The following GREB1L variants were observed in gnomAD, a reference collection of about 807,000 sequenced individuals.
The protein encoded by GREB1L is GREB1-like protein.
GREB1L carries 17 observed loss-of-function variants against 200.8 expected under a neutral mutation model. That is an observed-to-expected ratio of 0.08 (90% CI 0.06 to 0.13). The LOEUF (loss-of-function observed/expected upper bound fraction) is 0.13, where lower values mean the gene tolerates loss of function less well. Ranked by LOEUF, GREB1L falls within the 10% of genes least tolerant of loss-of-function variation. The pLI, the probability that GREB1L is intolerant of heterozygous loss-of-function variation, is 1.00. For synonymous variants in GREB1L, 789 were observed against 893.0 expected (o/e 0.88, Z 2.08); for missense variants, 1,657 against 2,367.7 (o/e 0.70, Z 6.23).
intron 7 of GREB1L, among the ~76,000 whole-genome samples, chr18:21,439,099 G>T (rs1475740203): frequency 2.0e-5 from 3 of 152,014 alleles, no homozygotes; most frequent in African/African-American, 7.2e-5. Flanking sequence ...CGGAGGTAAG[G>T]GTATAGATAA....
Position 21,516,876 on chromosome 18 carries a change from A to AG in GREB1L, c.5271+123dup, listed in dbSNP as rs1316452388. On this transcript the variant is annotated intron_variant, in intron 30 of 32. Transcript: ENST00000424526. ...TTAGAAAAGTGAAATAACACAAGGGAGTTTTTTTTTTTTTTTTTTGAGACA... is the reference window on the plus strand; with the variant it reads ...TTAGAAAAGTGAAATAACACAAGGGAGGTTTTTTTTTTTTTTTTTTGAGACA... 1.7e-5 allele frequency: 8 copies of AG among 478,800 alleles called. 1 individual carries two copies. Among genetic ancestry groups the AG allele is most frequent in the South Asian group, 2.9e-5 (1 of 34,170 alleles). 29.7% of individuals were successfully genotyped at this position (478,800 alleles called of 1,614,324 possible).
intron 4 of GREB1L, among the ~76,000 whole-genome samples, chr18:21,385,335 CAGAA>C (rs1598734455): frequency 3.3e-5 from 5 of 150,488 alleles, no homozygotes; most frequent in Admixed American, 1.3e-4. Flanking sequence ...TATGGAAAGT[CAGAA>C]AGCCCTGCTT....
rs767571944 is a variant in GREB1L at position 21,395,541 on chromosome 18, A to G, written c.512A>G (p.His171Arg). 1.6e-5 allele frequency: 25 copies of G among 1,549,832 alleles called. No homozygotes were observed. The highest frequency in any genetic ancestry group is 2.2e-5 in the Non-Finnish European group (25 of 1,146,486). The change falls in exon 5 of 33, where the codon CAT (histidine) becomes CGT (arginine). Residue 171 changes from histidine to arginine, a missense_variant. Physicochemically the swap from His to Arg is conservative, Grantham distance 29 (BLOSUM62 0). Coordinates refer to ENST00000424526, the MANE Select transcript of GREB1L (RefSeq NM_001142966.3). Reference sequence around the variant, plus strand: ...GACAAGCGATTTCTACCAGATGATCATGGAAAAAATGCACTTTTAGGTGAG... The same window carrying G: ...GACAAGCGATTTCTACCAGATGATCGTGGAAAAAATGCACTTTTAGGTGAG... Reference protein sequence around the residue: ...AVDKRFLPDDHGKNALLGFSG... With the variant: ...AVDKRFLPDDRGKNALLGFSG...
chr18:21,285,645 G>A (rs1330024839), intron 1 of GREB1L, among the ~76,000 whole-genome samples: 1 of 152,168 alleles, frequency 6.6e-6, no homozygotes, highest in Non-Finnish European at 1.5e-5. Context: ...TGCCATAGGA[G>A]CACTTATTTA....
intron 7 of GREB1L, among the ~76,000 whole-genome samples, chr18:21,405,621 C>T (rs1309304872): frequency 6.6e-6 from 1 of 151,934 alleles, no homozygotes; most frequent in Non-Finnish European, 1.5e-5. Context: ...GCCAACATGG[C>T]AAAACCCCGT....
intron 1 of GREB1L, among the ~76,000 whole-genome samples, chr18:21,344,272 G>A (rs1048129614): frequency 2.6e-5 from 4 of 152,092 alleles, no homozygotes; most frequent in African/African-American, 9.7e-5. Context: ...TTGGTGGCAG[G>A]CGCCTGTAGT....
intron 7 of GREB1L, among the ~76,000 whole-genome samples, chr18:21,416,797 G>A (rs980555226): frequency 6.6e-6 from 1 of 151,940 alleles, no homozygotes; most frequent in African/African-American, 2.4e-5. Context: ...AGGCCGAGAT[G>A]GGCAGATCAC....
chr18:21,463,497 T>G (rs2145587425), intron 15 of GREB1L, among the ~76,000 whole-genome samples: 1 of 152,218 alleles, frequency 6.6e-6, no homozygotes, highest in Non-Finnish European at 1.5e-5. Context: ...GAACTTCAAA[T>G]GTGAAATGGG....
intron 15 of GREB1L, among the ~76,000 whole-genome samples, chr18:21,463,134 C>CTTTTTTTTTTTT (rs11355874): frequency 3.6e-5 from 2 of 55,640 alleles, no homozygotes; most frequent in African/African-American, 7.9e-5. Flanking sequence ...CTTAATGGTT[C>CTTTTTTTTTTTT]TTTTTTTTTT....
chr18:21,327,701 CT>C (rs1555628207), intron 1 of GREB1L, among the ~76,000 whole-genome samples: 1 of 142,286 alleles, frequency 7.0e-6, no homozygotes, highest in African/African-American at 2.6e-5. Context: ...CTTTTTTTTT[CT>C]TTTTTTTGGT....
chr18:21,369,505 A>G (rs2039793186), intron 2 of GREB1L, among the ~76,000 whole-genome samples: 2 of 152,198 alleles, frequency 1.3e-5, no homozygotes, highest in African/African-American at 4.8e-5. Context: ...AAAGATTTCC[A>G]GTGGTAACGT....
In GREB1L at chr18:21,522,778, G is replaced by A; in HGVS notation, c.5729G>A (p.Ser1910Asn). The A allele has an allele frequency of 6.4e-7, 1 of 1,551,704 alleles. No individual in the cohort carries two copies. ...LRDEFQTANS[S>N]DDKPLYFLTG... Reference sequence around the variant, plus strand: ...GACGAGTTTCAAACTGCTAACAGCAGTGATGACAAGCCTCTCTACTTTCTT... The same window carrying A: ...GACGAGTTTCAAACTGCTAACAGCAATGATGACAAGCCTCTCTACTTTCTT... The change falls in exon 33 of 33, where the codon AGT (serine) becomes AAT (asparagine). Residue 1910 changes from serine to asparagine, a missense_variant. Ser to Asn is a conservative substitution (Grantham distance 46). Transcript: ENST00000424526.
At position 21,520,752 on chromosome 18, in the gene GREB1L, T is replaced by C. The variant is rs1421509174; in HGVS notation, c.5537T>C (p.Phe1846Ser). 1.9e-6 allele frequency: 3 copies of C among 1,549,474 alleles called. No individual in the cohort carries two copies. The highest frequency in any genetic ancestry group is 2.6e-6 in the Non-Finnish European group (3 of 1,146,174). ...SSNVNCEGVF[F>S]SGLLLYLCDS... ...AATGTCAACTGTGAAGGGGTGTTTT[T>C]CAGTGGACTCCTTTTGTACCTCTGT... The change falls in exon 32 of 33, where the codon TTC becomes TCC. Residue 1846 changes from phenylalanine (F) to serine (S), a missense_variant. This residue lies in a region of GREB1L where 190 missense variants were observed against 230.2 expected (regional missense o/e 0.83). Coordinates refer to ENST00000424526, the MANE Select transcript of GREB1L (RefSeq NM_001142966.3).
At chr18:21,498,477 G>A (rs529878192) in intron 21 of GREB1L, among the ~76,000 whole-genome samples, 3 of 152,330 alleles carry the variant, frequency 2.0e-5, no homozygotes, top group East Asian at 3.9e-4. Flanking sequence ...TTCACAGAAG[G>A]GGGGTGGGGG....
intron 19 of GREB1L, among the ~76,000 whole-genome samples, chr18:21,492,367 A>G (rs1430742053): frequency 6.6e-6 from 1 of 151,974 alleles, no homozygotes; most frequent in Non-Finnish European, 1.5e-5. Flanking sequence ...AAAGAAAAAG[A>G]AAAAGAATTT....
chr18:21,453,831 G>A (rs2034635782), intron 14 of GREB1L, among the ~76,000 whole-genome samples: 2 of 152,092 alleles, frequency 1.3e-5, no homozygotes, highest in South Asian at 4.2e-4. Flanking sequence ...GTAGTGACTG[G>A]GGAGGGAATT....
chr18:21,501,509 T>G (rs895384726), intron 23 of GREB1L, among the ~76,000 whole-genome samples: 2 of 152,186 alleles, frequency 1.3e-5, no homozygotes, highest in African/African-American at 4.8e-5. Flanking sequence ...CTGTGTTAGT[T>G]TGCTGAGAAT....
At chr18:21,245,746 C>G (rs563201457) in intron 1 of GREB1L, among the ~76,000 whole-genome samples, 1 of 151,248 alleles carries the variant, frequency 6.6e-6, no homozygotes, top group South Asian at 2.1e-4. Flanking sequence ...GAGACGAAGT[C>G]TTGCTTTGCC....
chr18:21,352,627 T>A (rs886948233), intron 1 of GREB1L, among the ~76,000 whole-genome samples: 11 of 151,324 alleles, frequency 7.3e-5, no homozygotes, highest in Non-Finnish European at 1.6e-4. Flanking sequence ...AGAGACAGGG[T>A]TTCTCCATGT....
Sources: gnomAD v4.1 joint callset for allele counts (sites outside exome capture counted in the v4.1 genomes callset) on GRCh38, gnomAD v4.1.1 for gene constraint, gnomAD v4.1.1 regional missense constraint, MANE v1.5 for transcripts, NCBI Gene and HGNC (gene_info 2026-07-23, HGNC 2026-07-21) for gene names.